The following TBC1D8 variants were observed in gnomAD, a reference collection of about 807,000 sequenced individuals.
The protein encoded by TBC1D8 is BUB2-like protein 1.
Under a neutral mutation model 118.8 loss-of-function variants are expected in TBC1D8, and 65 were observed. That is an observed-to-expected ratio of 0.55 (90% CI 0.45 to 0.67). The LOEUF is 0.67. Among genes scored for constraint, TBC1D8 ranks in the 30% least tolerant of loss-of-function variants. The pLI, the probability that TBC1D8 is intolerant of heterozygous loss-of-function variation, is 0.00. For synonymous variants in TBC1D8, 566 were observed against 595.8 expected (o/e 0.95, Z 0.73); for missense variants, 1,376 against 1,471.2 (o/e 0.94, Z 1.06).
chr2:101,113,843 C>A (rs987628604), intron 1 of TBC1D8, among the ~76,000 whole-genome samples: 1 of 152,158 alleles, frequency 6.6e-6, no homozygotes, highest in East Asian at 1.9e-4. Context: ...CGGCTCCTCA[C>A]GCAGGAAGAG....
At chr2:101,029,219 T>C (rs1025760453) in intron 12 of TBC1D8, among the ~76,000 whole-genome samples, 2 of 152,098 alleles carry the variant, frequency 1.3e-5, no homozygotes, top group African/African-American at 2.4e-5. Context: ...TGAAACCCTG[T>C]CTCTACTAAA....
In TBC1D8 at chr2:101,114,185, C is replaced by T. The variant is rs540982750; in HGVS notation, c.128-23821G>A. On this transcript the variant is annotated intron_variant, in intron 1 of 19. Transcript: ENST00000409318. ...TTTCCAACACCCTTTACAACCTTTG[C>T]TGTAAAGCTCATATTTACTTGATTT... is the stretch of plus-strand genomic sequence containing the variant. 7.2e-5 allele frequency among the ~76,000 whole-genome samples: 11 copies of T among 152,296 alleles called. No homozygotes were observed. In the South Asian group the frequency reaches 2.3e-3, roughly 32 times the overall value.
intron 1 of TBC1D8, among the ~76,000 whole-genome samples, chr2:101,110,752 C>A (rs950555625): frequency 6.6e-6 from 1 of 152,048 alleles, no homozygotes; most frequent in African/African-American, 2.4e-5. Context: ...GGGTGGATCA[C>A]CTGAGGTCAG....
At chr2:101,055,036 G>A (rs190225542) in intron 3 of TBC1D8, among the ~76,000 whole-genome samples, 180 of 152,042 alleles carry the variant, frequency 1.2e-3, no homozygotes, top group Non-Finnish European at 4.7e-4. Flanking sequence ...AAAAGGACTG[G>A]CTCAGGCCTG....
At chr2:101,109,492 A>G (rs1020313587) in intron 1 of TBC1D8, among the ~76,000 whole-genome samples, 1 of 152,226 alleles carries the variant, frequency 6.6e-6, no homozygotes, top group Admixed American at 6.5e-5. Flanking sequence ...AACTATACGG[A>G]AAAATGTTAA....
At chr2:101,013,167 G>A (rs1250357985) in intron 17 of TBC1D8, among the ~76,000 whole-genome samples, 3 of 152,198 alleles carry the variant, frequency 2.0e-5, no homozygotes, top group Non-Finnish European at 4.4e-5. Context: ...AAGGAGCTGA[G>A]GGGCCAAACA....
intron 17 of TBC1D8, chr2:101,018,255 T>C (rs1679801295): frequency 4.6e-6 from 1 of 217,478 alleles, no homozygotes; most frequent in Admixed American, 5.2e-5. Flanking sequence ...TTTCCGAAGT[T>C]TAATTTTTGC....
intron 1 of TBC1D8, among the ~76,000 whole-genome samples, chr2:101,146,903 G>A (rs1679339974): frequency 6.6e-6 from 1 of 152,118 alleles, no homozygotes; most frequent in African/African-American, 2.4e-5. Context: ...TCTACTCTCT[G>A]CTTTTATAAT....
chr2:101,151,248 C>T lies in TBC1D8; in HGVS notation c.6G>A (p.Trp2Ter). 2 of 1,183,404 alleles carry T rather than the reference C, an allele frequency of 1.7e-6. No homozygotes were observed. Among genetic ancestry groups the T allele is most frequent in the Admixed American group, 3.7e-5 (1 of 27,174 alleles). The allele number at this position is 1,183,404 out of a possible 1,614,324, so 73.3% of individuals were successfully genotyped here. A position where few individuals can be genotyped will look rare whatever the true frequency, so the allele number is the denominator to read the frequency against. The change falls in exon 1 of 20, where the codon TGG becomes TGA. Residue 2 changes from tryptophan to a stop codon, truncating the protein, a stop_gained. Coordinates refer to ENST00000409318, the MANE Select transcript of TBC1D8 (RefSeq NM_001330348.2). LOFTEE classifies it high-confidence loss of function. ...TCAGCAGCACCTCCTCGGGCTTGAG[C>T]CACATCGCGGCGGTCCGGCCGCGCC... M[W>*]LKPEEVLLKN... is the part of the protein sequence containing the mutation.
intron 7 of TBC1D8, among the ~76,000 whole-genome samples, chr2:101,038,259 G>C (rs1681153821): frequency 6.6e-6 from 1 of 152,032 alleles, no homozygotes; most frequent in African/African-American, 2.4e-5. Flanking sequence ...ACCTGTGAGG[G>C]GTGACCCCGT....
intron 1 of TBC1D8, among the ~76,000 whole-genome samples, chr2:101,110,931 G>T (rs1482584856): frequency 7.0e-6 from 1 of 143,054 alleles, no homozygotes; most frequent in African/African-American, 2.6e-5. Flanking sequence ...AGTGAGCCGA[G>T]ATTGCGCCAC....
intron 2 of TBC1D8, chr2:101,068,672 C>CA: frequency 2.3e-6 from 1 of 440,424 alleles, no homozygotes; most frequent in Non-Finnish European, 4.0e-6. Flanking sequence ...GATACCTTAG[C>CA]ACTTTAGGGA....
At chr2:101,012,173 A>C (rs532443696) in intron 17 of TBC1D8, among the ~76,000 whole-genome samples, 1 of 152,326 alleles carries the variant, frequency 6.6e-6, no homozygotes, top group East Asian at 1.9e-4. Context: ...AAAAAAGTTA[A>C]AGTTACCATT....
chr2:101,119,953 G>A (rs1302648349), intron 1 of TBC1D8, among the ~76,000 whole-genome samples: 3 of 152,184 alleles, frequency 2.0e-5, no homozygotes, highest in Non-Finnish European at 2.9e-5. Flanking sequence ...TGATGAAGGT[G>A]ATGAATTTGA....
intron 9 of TBC1D8, among the ~76,000 whole-genome samples, chr2:101,034,636 T>C (rs924565807): frequency 1.3e-5 from 2 of 152,124 alleles, no homozygotes; most frequent in Non-Finnish European, 1.5e-5. Context: ...TGTGCAGGCA[T>C]GTGTGTGTGC....
At chr2:101,073,300 A>ATTTTT (rs34252571) in intron 2 of TBC1D8, among the ~76,000 whole-genome samples, 1 of 143,650 alleles carries the variant, frequency 7.0e-6, no homozygotes, top group Non-Finnish European at 1.5e-5. Context: ...TATTTTATTT[A>ATTTTT]TTTTTTTTTT....
At chr2:101,059,563 C>G in intron 2 of TBC1D8, 24 bp from the exon 3 acceptor site, 7 of 1,557,222 alleles carry the variant, frequency 4.5e-6, no homozygotes, top group Non-Finnish European at 6.2e-6. Flanking sequence ...GAAAAAGATA[C>G]AGAGATTAAA....
At chr2:101,068,411 T>C (rs1233944692) in intron 2 of TBC1D8, 2 of 288,732 alleles carry the variant, frequency 6.9e-6, no homozygotes, top group African/African-American at 4.5e-5. Context: ...ACCAGAACGT[T>C]CAGGAAAAAA....
intron 1 of TBC1D8, among the ~76,000 whole-genome samples, chr2:101,100,683 A>C (rs1413457705): frequency 6.6e-6 from 1 of 152,190 alleles, no homozygotes; most frequent in Admixed American, 6.5e-5. Context: ...ACTGGTACCA[A>C]AACAGGCACA....
Sources: allele counts gnomAD v4.1 joint callset (sites outside exome capture counted in the v4.1 genomes callset), GRCh38; gene constraint gnomAD v4.1.1; transcripts MANE v1.5; gene names NCBI Gene and HGNC (gene_info 2026-07-23, HGNC 2026-07-21).